Variants in GPR132 observed in about 807,000 individuals in gnomAD.
GPR132 encodes probable G protein-coupled receptor 132.
In GPR132, 4 loss-of-function variants were observed where a neutral mutation model predicts 1.9. That is an observed-to-expected ratio of 2.13 (90% CI 1.05 to 4.87). The LOEUF (loss-of-function observed/expected upper bound fraction) is 4.87. Ranked by LOEUF, GPR132 falls within the 30% of genes most tolerant of loss-of-function variation. The probability of loss-of-function intolerance (pLI) is 0.01; values close to 1 mark genes in which losing one functional copy is unlikely to be tolerated. For synonymous variants in GPR132, 233 were observed against 234.2 expected, an observed-to-expected ratio of 0.99 and a Z score of 0.05; for missense variants, 404 against 512.5, an observed-to-expected ratio of 0.79 and a Z score of 2.04.
chr14:105,054,491 G>T, intron 3 of GPR132: 2 of 793,578 alleles, frequency 2.5e-6, no homozygotes, highest in Non-Finnish European at 3.0e-6. Flanking sequence ...GAGTGCAGTG[G>T]CGTGATCTCT....
chr14:105,062,233 C>T (rs376264116), intron 1 of GPR132, among the ~76,000 whole-genome samples: 75 of 152,326 alleles, frequency 4.9e-4, no homozygotes, highest in African/African-American at 1.7e-3. Context: ...GGCCCTGGGC[C>T]CCTGCCTCCA....
intron 1 of GPR132, among the ~76,000 whole-genome samples, chr14:105,062,517 T>TTTTC (rs1227043332): frequency 7.3e-5 from 11 of 151,356 alleles, no homozygotes; most frequent in African/African-American, 9.7e-5. Flanking sequence ...CTTTTCTTTC[T>TTTTC]TTTCTTTCTT....
chr14:105,057,687 ATTTTTT>A (rs569000530), intron 1 of GPR132, among the ~76,000 whole-genome samples: 1 of 100,410 alleles, frequency 1.0e-5, no homozygotes, highest in Non-Finnish European at 2.1e-5. Flanking sequence ...CCCCCAGCTA[ATTTTTT>A]TTTTTTTTTT....
At chr14:105,061,991 T>C (rs1886956498) in intron 1 of GPR132, among the ~76,000 whole-genome samples, 1 of 152,224 alleles carries the variant, frequency 6.6e-6, no homozygotes, top group Non-Finnish European at 1.5e-5. Flanking sequence ...CCTGGCCTGG[T>C]GGACTCCAGG....
At position 105,051,319 on chromosome 14, in the gene GPR132, C is replaced by T; in HGVS notation, c.818G>A (p.Arg273Lys). The T allele has an allele frequency of 6.2e-7, 1 of 1,614,058 alleles. No homozygotes were observed. The highest frequency in any genetic ancestry group is 8.5e-7 in the Non-Finnish European group (1 of 1,179,880). ...LVKAAAFSYY[R>K]GDRNAMCGLE... ...GCCGCACATGGCGTTCCTGTCTCCT[C>T]TGTAGTAGGAAAAGGCAGCGGCTTT... Residue 273 changes from arginine to lysine, a missense_variant, in exon 4 of 4, where the codon AGA becomes AAA. By Grantham distance (26) the Arg-to-Lys change is conservative (BLOSUM62 2). Coordinates refer to ENST00000329797, the MANE Select transcript of GPR132 (RefSeq NM_013345.4). This position sits in a 1 kb window ranked among gnomAD's most constrained non-coding sequence, Gnocchi z 8.0.
At chr14:105,062,597 G>T (rs1886976700) in intron 1 of GPR132, among the ~76,000 whole-genome samples, 1 of 133,034 alleles carries the variant, frequency 7.5e-6, no homozygotes, top group Admixed American at 8.3e-5. Flanking sequence ...CTGGAGTAAA[G>T]TGGCGCGATC....
Position 105,051,169 on chromosome 14 carries a change from T to C in GPR132, c.968A>G (p.His323Arg), listed in dbSNP as rs761183556. ...CATGGACCACTCTTTCCACCCCTTATGGATTCTGGACACTTCTTGGCGGGA... is the reference window on the plus strand; with the variant it reads ...CATGGACCACTCTTTCCACCCCTTACGGATTCTGGACACTTCTTGGCGGGA... ...DHSRQEVSRI[H>R]KGWKEWSMKT... The change falls in exon 4 of 4, where the codon CAT (histidine) becomes CGT (arginine). Residue 323 changes from histidine to arginine, a missense_variant. Coordinates refer to ENST00000329797, the MANE Select transcript of GPR132 (RefSeq NM_013345.4). The surrounding 1 kb of genome is among the most constrained non-coding windows in gnomAD (Gnocchi z 8.0). 3 of 1,614,136 alleles carry C rather than the reference T, an allele frequency of 1.9e-6. No homozygotes were observed. The highest frequency in any genetic ancestry group is 4.5e-5 in the East Asian group (2 of 44,880).
Position 105,051,465 on chromosome 14 carries a change from C to T in GPR132, c.672G>A (p.Arg224=). ...TTAAGCCCATGCTCTGCTTGATGCT[C>T]CTGAAAATCCGGTGGTTGGTGAAGG... ...IIAFTNHRIF[R]SIKQSMGLSA... Residue 224 remains arginine, a synonymous_variant, in exon 4 of 4, where the codon AGG becomes AGA. Transcript: ENST00000329797. The surrounding 1 kb of genome is among the most constrained non-coding windows in gnomAD (Gnocchi z 8.0). 1 of 1,614,024 alleles carries T rather than the reference C, an allele frequency of 6.2e-7. No homozygotes were observed. Among genetic ancestry groups the T allele is most frequent in the Non-Finnish European group, 8.5e-7 (1 of 1,180,036 alleles).
chr14:105,050,572 C>A lies in GPR132; in HGVS notation c.*422G>T. On this transcript the variant is annotated 3_prime_UTR_variant, in exon 4 of 4. Transcript: ENST00000329797. The surrounding 1 kb of genome is among the most constrained non-coding windows in gnomAD (Gnocchi z 4.0). Reference sequence around the variant, plus strand: ...TCACTGACATTCTGAGGCAGGAGCCCAGAGGGCCCACAATGCACCACCGCA... The same window carrying A: ...TCACTGACATTCTGAGGCAGGAGCCAAGAGGGCCCACAATGCACCACCGCA... 1 of 205,088 alleles carries A rather than the reference C, an allele frequency of 4.9e-6. No individual in the cohort carries two copies. Among genetic ancestry groups the A allele is most frequent in the Non-Finnish European group, 1.0e-5 (1 of 99,384 alleles). 12.7% of individuals were successfully genotyped at this position (205,088 alleles called of 1,614,324 possible). A position where few individuals can be genotyped will look rare whatever the true frequency, so the allele number is the denominator to read the frequency against.
intron 1 of GPR132, among the ~76,000 whole-genome samples, chr14:105,062,928 G>GTTTA (rs1046077324): frequency 2.7e-5 from 4 of 150,646 alleles, no homozygotes; most frequent in Non-Finnish European, 5.9e-5. Flanking sequence ...TTGTTTGTTT[G>GTTTA]TTTATTTATT....
intron 1 of GPR132, chr14:105,057,508 ATTCT>A: frequency 6.2e-6 from 1 of 160,558 alleles, no homozygotes; most frequent in Non-Finnish European, 1.2e-5. Context: ...ACTACATACG[ATTCT>A]TTTTTTTTTT....
intron 3 of GPR132, chr14:105,053,855 G>A: frequency 1.1e-6 from 1 of 912,756 alleles, no homozygotes. Flanking sequence ...TATCTGGTGG[G>A]CCCAATGGAA....
intron 1 of GPR132, among the ~76,000 whole-genome samples, chr14:105,058,991 G>C (rs934316142): frequency 6.6e-6 from 1 of 152,324 alleles, no homozygotes; most frequent in Admixed American, 6.5e-5. Context: ...GGCTGAGCCT[G>C]GCGGCTGCCT....
chr14:105,061,130 C>T (rs960212285), intron 1 of GPR132, among the ~76,000 whole-genome samples: 2 of 152,258 alleles, frequency 1.3e-5, no homozygotes, highest in African/African-American at 4.8e-5. Flanking sequence ...GTGGGAACAA[C>T]CCAAGGCAGG....
intron 3 of GPR132, chr14:105,054,503 C>CCT (rs1475353460): frequency 1.5e-6 from 1 of 671,830 alleles, no homozygotes. Context: ...GTGATCTCTG[C>CCT]TACTGCAACC....
intron 1 of GPR132, among the ~76,000 whole-genome samples, chr14:105,062,912 A>G (rs372132370): frequency 6.7e-6 from 1 of 148,422 alleles, no homozygotes; most frequent in South Asian, 2.2e-4. Context: ...CTCTTGCTTT[A>G]TTTGTTTGTT....
At position 105,052,119 on chromosome 14, in the gene GPR132, A is replaced by T; in HGVS notation, c.35-17T>A. Reference sequence around the variant, plus strand: ...TGGCGTTTCCTGTGGGACAGAGACAAGAGTGAGGACGGGAGTCCCTGGAAA... The same window carrying T: ...TGGCGTTTCCTGTGGGACAGAGACATGAGTGAGGACGGGAGTCCCTGGAAA... On this transcript the variant is annotated splice_polypyrimidine_tract_variant and intron_variant, in intron 3 of 3. Coordinates refer to ENST00000329797, the MANE Select transcript of GPR132 (RefSeq NM_013345.4). 2 of 1,539,618 alleles carry T rather than the reference A, an allele frequency of 1.3e-6. No homozygotes were observed. Among genetic ancestry groups the T allele is most frequent in the South Asian group, 1.2e-5 (1 of 82,018 alleles).
In GPR132 at chr14:105,060,711, G is replaced by A. The variant is rs764056647; in HGVS notation, c.-860-3431C>T. Among the ~76,000 whole-genome samples the A allele has an allele frequency of 2.6e-5, 4 of 152,188 alleles. No individual in the cohort carries two copies. Among genetic ancestry groups the A allele is most frequent in the Non-Finnish European group, 5.9e-5 (4 of 68,032 alleles). On this transcript the variant is annotated intron_variant, in intron 1 of 3. Transcript: ENST00000329797. The surrounding 1 kb of genome is among the most constrained non-coding windows in gnomAD (Gnocchi z 6.3). ...GGAGTCTGCCTCCTTCACTTTAACT[G>A]GACCAAGGGTTCTGGAAACCCTCCC...
intron 3 of GPR132, among the ~76,000 whole-genome samples, chr14:105,053,577 T>G (rs2140928815): frequency 6.6e-6 from 1 of 152,264 alleles, no homozygotes; most frequent in South Asian, 2.1e-4. Flanking sequence ...TCCCAGTGCT[T>G]GCTTTACGTA....
Sources: allele counts gnomAD v4.1 joint callset (sites outside exome capture counted in the v4.1 genomes callset), GRCh38; gene constraint gnomAD v4.1.1; non-coding constraint Gnocchi (gnomAD v3.1); transcripts MANE v1.5; gene names NCBI Gene and HGNC (gene_info 2026-07-23, HGNC 2026-07-21).